The following FRY variants were observed in gnomAD, a reference collection of about 807,000 sequenced individuals.
FRY encodes protein furry homolog.
A neutral mutation model predicts 348.4 loss-of-function variants in FRY; 128 were observed. The observed-to-expected ratio is 0.37, with a 90% CI of 0.32 to 0.43. FRY has a LOEUF of 0.43. Among genes scored for constraint, FRY ranks in the 20% least tolerant of loss-of-function variants. FRY has a pLI of 1.00. For synonymous variants in FRY, 1,370 were observed against 1,374.7 expected, an observed-to-expected ratio of 1.00 and a Z score of 0.08; for missense variants, 2,736 against 3,695.2, an observed-to-expected ratio of 0.74 and a Z score of 6.73.
At chr13:32,154,319 C>A (rs116303386) in intron 14 of FRY, among the ~76,000 whole-genome samples, 264 of 152,208 alleles carry the variant, frequency 1.7e-3, no homozygotes, top group African/African-American at 6.2e-3. Flanking sequence ...GCCAAAAAAT[C>A]ATAAAGTACA....
chr13:32,052,955 C>A (rs925473743), intron 1 of FRY, among the ~76,000 whole-genome samples: 1 of 151,946 alleles, frequency 6.6e-6, no homozygotes, highest in African/African-American at 2.4e-5. Context: ...CTCTACTAAA[C>A]GTACAAAAAT....
intron 22 of FRY, 52 bp from the exon 23 acceptor site, chr13:32,179,623 A>AG: frequency 1.2e-6 from 2 of 1,602,694 alleles, no homozygotes; most frequent in Non-Finnish European, 1.7e-6. Flanking sequence ...TGATTAAAGG[A>AG]ACCATCAGTT....
In FRY at chr13:32,066,984, C is replaced by G. The variant is rs185366279; in HGVS notation, c.71-11850C>G. ...AATATTAAGTGAGCACAGTTATTTA[C>G]TTAATTGTGCCATGCACGGTGCTAA... On this transcript the variant is annotated intron_variant, in intron 1 of 60. Coordinates refer to ENST00000542859, the MANE Select transcript of FRY (RefSeq NM_023037.3). Among the ~76,000 whole-genome samples the G allele has an allele frequency of 7.5e-4, 114 of 152,320 alleles. 1 individual carries two copies. The highest frequency in any genetic ancestry group is 6.8e-3 in the Middle Eastern group (2 of 294).
rs563876565 is a variant in FRY at position 32,125,130 on chromosome 13, A to C, written c.716+255A>C. The stretch of plus-strand genomic sequence containing the variant: ...GTTGCATCAAAGAAATGGGGTGACC[A>C]GATTACATTTCTCTCTGCCTAAATA... On this transcript the variant is annotated intron_variant, in intron 7 of 60. Coordinates refer to ENST00000542859, the MANE Select transcript of FRY (RefSeq NM_023037.3). Among the ~76,000 whole-genome samples the C allele has an allele frequency of 8.5e-5, 13 of 152,358 alleles. No homozygotes were observed. In the South Asian group the frequency reaches 1.0e-3, roughly 12 times the overall value.
intron 55 of FRY, among the ~76,000 whole-genome samples, chr13:32,270,951 T>C (rs7331197): frequency 0.012 from 1,752 of 152,344 alleles, 47 homozygotes; most frequent in African/African-American, 0.04. Context: ...TCTAACTTCA[T>C]GTCAGTAGAC....
At chr13:32,131,429 G>A (rs1001814855) in intron 7 of FRY, among the ~76,000 whole-genome samples, 4 of 152,168 alleles carry the variant, frequency 2.6e-5, no homozygotes, top group African/African-American at 7.2e-5. Context: ...TAAATAAACC[G>A]GGATCTGCCC....
chr13:32,082,221 T>TAA (rs3065538), intron 2 of FRY, among the ~76,000 whole-genome samples: 61,225 of 140,444 alleles, frequency 0.44, 14,457 homozygotes, highest in Non-Finnish European at 0.53. Context: ...TAGCCAACTT[T>TAA]AAAAAAAAAA....
intron 29 of FRY, among the ~76,000 whole-genome samples, chr13:32,197,031 C>T (rs1883716516): frequency 1.3e-5 from 2 of 152,276 alleles, no homozygotes; most frequent in East Asian, 3.9e-4. Context: ...TTTCCAATCA[C>T]TAGCTTAACG....
intron 1 of FRY, among the ~76,000 whole-genome samples, chr13:32,073,444 G>A (rs1055444878): frequency 6.6e-6 from 1 of 152,164 alleles, no homozygotes; most frequent in African/African-American, 2.4e-5. Flanking sequence ...GGCAGATAGA[G>A]AAGAGCAGGT....
At chr13:32,180,645 A>T (rs1882652238) in intron 23 of FRY, among the ~76,000 whole-genome samples, 1 of 152,206 alleles carries the variant, frequency 6.6e-6, no homozygotes. Flanking sequence ...CATCTGAAGT[A>T]CTGTCAAAGC....
At position 32,161,063 on chromosome 13, in the gene FRY, C is replaced by G; in HGVS notation, c.1785-81C>G. 4.3e-6 allele frequency: 4 copies of G among 923,068 alleles called. No homozygotes were observed. In the South Asian group the frequency reaches 5.2e-5, roughly 12 times the overall value. The allele number at this position is 923,068 out of a possible 1,614,324, so 57.2% of individuals were successfully genotyped here. On this transcript the variant is annotated intron_variant, in intron 16 of 60. Transcript: ENST00000542859. The stretch of plus-strand genomic sequence containing the variant: ...TGACTCAGAAGGCATGGATTCTAGT[C>G]TTTGTTCATGCACTTAATTCATTTT...
At chr13:32,185,273 A>T (rs1268917043) in intron 26 of FRY, 125 bp downstream of exon 26, 2 of 770,608 alleles carry the variant, frequency 2.6e-6, no homozygotes, top group Admixed American at 1.9e-5. Context: ...AAGTTTATTT[A>T]CTTCGAGATA....
chr13:32,222,027 A>G (rs547300181), intron 36 of FRY, among the ~76,000 whole-genome samples: 1 of 152,216 alleles, frequency 6.6e-6, no homozygotes, highest in South Asian at 2.1e-4. Flanking sequence ...GGACTAAAGC[A>G]GAGCGAGCAG....
At chr13:32,177,373 A>T (rs1245263826) in intron 20 of FRY, among the ~76,000 whole-genome samples, 1 of 152,104 alleles carries the variant, frequency 6.6e-6, no homozygotes, top group Non-Finnish European at 1.5e-5. Flanking sequence ...CAGATCATTT[A>T]GAGTTCAGGA....
chr13:32,132,504 A>G (rs1217199118), intron 8 of FRY, among the ~76,000 whole-genome samples: 1 of 152,170 alleles, frequency 6.6e-6, no homozygotes, highest in Non-Finnish European at 1.5e-5. Flanking sequence ...GCTATAGTCA[A>G]AAATATAACA....
chr13:32,208,558 G>C (rs1025903868), intron 31 of FRY, among the ~76,000 whole-genome samples: 8 of 152,120 alleles, frequency 5.3e-5, no homozygotes, highest in African/African-American at 1.9e-4. Context: ...CCCTTATTTT[G>C]TCCACCCTCT....
At chr13:32,255,635 T>G (rs1887292378) in intron 51 of FRY, among the ~76,000 whole-genome samples, 1 of 152,226 alleles carries the variant, frequency 6.6e-6, no homozygotes, top group Non-Finnish European at 1.5e-5. Context: ...ACTGCCAGCT[T>G]AATTTTCACC....
intron 59 of FRY, 103 bp from the exon 60 acceptor site, chr13:32,294,265 G>A: frequency 1.3e-6 from 1 of 772,578 alleles, no homozygotes; most frequent in Non-Finnish European, 2.2e-6. Flanking sequence ...AAGGTATTAA[G>A]CTTATGCTTA....
At chr13:32,081,235 C>A (rs563532577) in intron 2 of FRY, among the ~76,000 whole-genome samples, 1 of 152,240 alleles carries the variant, frequency 6.6e-6, no homozygotes, top group Admixed American at 6.5e-5. Context: ...TCCTTATGTG[C>A]TTAGAGTGAG....
Sources: allele counts gnomAD v4.1 joint callset (sites outside exome capture counted in the v4.1 genomes callset), GRCh38; gene constraint gnomAD v4.1.1; transcripts MANE v1.5; gene names NCBI Gene and HGNC (gene_info 2026-07-23, HGNC 2026-07-21).